PDGFA: variants seen among roughly 807,000 people sequenced by gnomAD.
The protein encoded by PDGFA is platelet-derived growth factor subunit A.
A neutral mutation model predicts 25.6 loss-of-function variants in PDGFA; 9 were observed. That is an observed-to-expected ratio of 0.35 (90% CI 0.21 to 0.61). PDGFA has a LOEUF of 0.61. PDGFA is among the 20% of genes least tolerant of loss of function. The pLI is 0.75. For synonymous variants in PDGFA, 133 were observed against 111.8 expected (o/e 1.19, Z -1.20); for missense variants, 242 against 272.8 (o/e 0.89, Z 0.79).
exon 4 of PDGFA, chr7:510,855 CTCG>C: frequency 6.2e-7 from 1 of 1,609,966 alleles, no homozygotes; most frequent in East Asian, 2.2e-5. Flanking sequence ...CTTGACACTG[CTCG>C]TGTTGCAGCA....
At chr7:503,630 C>G (rs557174797) in intron 4 of PDGFA, among the ~76,000 whole-genome samples, 1 of 152,190 alleles carries the variant, frequency 6.6e-6, no homozygotes, top group East Asian at 1.9e-4. Context: ...GTCAGCTCTG[C>G]ACCCTGGGAC....
intron 5 of PDGFA, among the ~76,000 whole-genome samples, chr7:499,057 A>G (rs970178473): frequency 6.6e-6 from 1 of 152,176 alleles, no homozygotes; most frequent in Non-Finnish European, 1.5e-5. Flanking sequence ...TGGCCTCTCC[A>G]TCGCACACTC....
exon 6 of PDGFA, chr7:498,300 T>C (rs886917464): frequency 1.4e-5 from 7 of 517,706 alleles, no homozygotes; most frequent in African/African-American, 3.8e-5. Context: ...TTGTCATTTG[T>C]GGTTTTGTTT....
At chr7:512,074 C>G (rs767120229) in intron 3 of PDGFA, among the ~76,000 whole-genome samples, 1 of 152,242 alleles carries the variant, frequency 6.6e-6, no homozygotes, top group Non-Finnish European at 1.5e-5. Context: ...TGGCTCTTCT[C>G]TCCTGGAAGC....
At chr7:518,945 C>G (rs751470015) in exon 1 of PDGFA, 20 of 1,528,996 alleles carry the variant, frequency 1.3e-5, no homozygotes, top group Admixed American at 2.0e-5. Context: ...CAACCTCGGC[C>G]AGAACATGGG....
chr7:497,990 A>G (rs1782166826), exon 6 of PDGFA: 1 of 149,404 alleles, frequency 6.7e-6, no homozygotes, highest in African/African-American at 2.5e-5. Context: ...AAAAACAAAA[A>G]AAAAAACCAC....
At position 517,569 on chromosome 7, in the gene PDGFA, C is replaced by T. The variant is rs1783167089; in HGVS notation, c.64-79G>A. ...CGCCCCCGGCCGCCAGGAGCGCCGC[C>T]GCCCCGGGCCCGAGGAGACCCCGCG... On this transcript the variant is annotated intron_variant, in intron 1 of 5. Coordinates refer to ENST00000402802, the Ensembl canonical transcript of PDGFA. This position sits in a 1 kb window ranked among gnomAD's most constrained non-coding sequence, Gnocchi z 7.4. The T allele has an allele frequency of 4.3e-6, 2 of 462,096 alleles. No individual in the cohort carries two copies. Among genetic ancestry groups the T allele is most frequent in the Non-Finnish European group, 5.8e-6 (2 of 345,088 alleles). 28.6% of individuals were successfully genotyped at this position (462,096 alleles called of 1,614,324 possible).
intron 3 of PDGFA, 65 bp downstream of exon 3, chr7:512,286 A>G (rs1782887878): frequency 2.2e-6 from 3 of 1,361,052 alleles, no homozygotes; most frequent in African/African-American, 2.9e-5. Context: ...TGCCCTGCCC[A>G]TCGCGGCCTC....
intron 5 of PDGFA, among the ~76,000 whole-genome samples, chr7:499,500 C>A (rs1012102905): frequency 2.0e-5 from 3 of 152,176 alleles, no homozygotes; most frequent in Non-Finnish European, 2.9e-5. Flanking sequence ...TCCAACTTTC[C>A]CAAGCCAGAC....
chr7:519,015 G>T, exon 1 of PDGFA: 1 of 1,525,000 alleles, frequency 6.6e-7, no homozygotes, highest in East Asian at 2.6e-5. Context: ...GTCCCGAGGC[G>T]CTGGCTGCTC....
intron 2 of PDGFA, among the ~76,000 whole-genome samples, chr7:515,996 G>GCCC (rs766850548): frequency 1.1e-5 from 1 of 87,666 alleles, no homozygotes; most frequent in African/African-American, 4.5e-5. Flanking sequence ...CCTTCTGCTA[G>GCCC]CACCCCCCCC....
At chr7:509,819 T>C (rs889553544) in intron 4 of PDGFA, among the ~76,000 whole-genome samples, 7 of 152,108 alleles carry the variant, frequency 4.6e-5, no homozygotes, top group Admixed American at 1.3e-4. Flanking sequence ...CAGCTCCTAG[T>C]GGATGGAATT....
intron 2 of PDGFA, chr7:512,901 C>A (rs979599346): frequency 7.9e-6 from 2 of 252,542 alleles, no homozygotes; most frequent in African/African-American, 4.4e-5. Flanking sequence ...GGGGCTGGAG[C>A]GAGGGAGAAG....
At chr7:512,789 GC>G (rs937910325) in intron 2 of PDGFA, 18 of 653,768 alleles carry the variant, frequency 2.8e-5, no homozygotes, top group Non-Finnish European at 4.0e-5. Context: ...CTCCAAGGTA[GC>G]CCAGGTGAGG....
At position 517,244 on chromosome 7, in the gene PDGFA, C is replaced by T. The variant is rs1366009160; in HGVS notation, c.160+150G>A. 4 of 303,054 alleles carry T rather than the reference C, an allele frequency of 1.3e-5. No homozygotes were observed. The highest frequency in any genetic ancestry group is 1.0e-4 in the Admixed American group (2 of 19,138). The allele number at this position is 303,054 out of a possible 1,614,324, so 18.8% of individuals were successfully genotyped here. Reference sequence around the variant, plus strand: ...AAAGTGGAGACTGGAAGAGAAACTCCTGACTCATCCGCCCGGGCGCTTATG... The same window carrying T: ...AAAGTGGAGACTGGAAGAGAAACTCTTGACTCATCCGCCCGGGCGCTTATG... On this transcript the variant is annotated intron_variant, in intron 2 of 5. Coordinates refer to ENST00000402802, the Ensembl canonical transcript of PDGFA. This position sits in a 1 kb window ranked among gnomAD's most constrained non-coding sequence, Gnocchi z 7.4.
intron 4 of PDGFA, among the ~76,000 whole-genome samples, chr7:509,670 G>A (rs1404421009): frequency 1.3e-5 from 2 of 152,064 alleles, no homozygotes; most frequent in African/African-American, 4.8e-5. Context: ...TTCATCCCCC[G>A]CCCCTCACAC....
exon 3 of PDGFA, chr7:512,397 A>T (rs773623783): frequency 2.5e-6 from 4 of 1,613,754 alleles, no homozygotes; most frequent in Non-Finnish European, 3.4e-6. Context: ...TCTCGGGCAC[A>T]TGCTTAGTGG....
At chr7:503,569 G>T (rs1782444235) in intron 4 of PDGFA, among the ~76,000 whole-genome samples, 1 of 152,182 alleles carries the variant, frequency 6.6e-6, no homozygotes, top group African/African-American at 2.4e-5. Flanking sequence ...GGGGGGAAGG[G>T]GGGACTCCAG....
chr7:515,205 A>G (rs1417123892), intron 2 of PDGFA, among the ~76,000 whole-genome samples: 2 of 152,160 alleles, frequency 1.3e-5, no homozygotes, highest in African/African-American at 4.8e-5. Context: ...ACTCCGAGGG[A>G]AAGTTCGTTG....
Sources: gnomAD v4.1 joint callset for allele counts (sites outside exome capture counted in the v4.1 genomes callset) on GRCh38, gnomAD v4.1.1 for gene constraint, Gnocchi (gnomAD v3.1) non-coding constraint, MANE v1.5 for transcripts, NCBI Gene and HGNC (gene_info 2026-07-23, HGNC 2026-07-21) for gene names.